The following DOCK4 variants were observed in gnomAD, a reference collection of about 807,000 sequenced individuals.
The protein encoded by DOCK4 is dedicator of cytokinesis protein 4.
DOCK4 carries 97 observed loss-of-function variants against 268.1 expected under a neutral mutation model. The observed-to-expected ratio is 0.36, with a 90% confidence interval of 0.31 to 0.43. The LOEUF is 0.43. Ranked by LOEUF, DOCK4 falls within the 20% of genes least tolerant of loss-of-function variation. The pLI is 1.00. For missense variants in DOCK4, 2,145 were observed against 2,455.7 expected, an observed-to-expected ratio of 0.87 and a Z score of 2.67; for synonymous variants, 954 against 887.2, an observed-to-expected ratio of 1.08 and a Z score of -1.34.
chr7:111,844,261 G>A (rs998653275), intron 25 of DOCK4, among the ~76,000 whole-genome samples: 1 of 152,160 alleles, frequency 6.6e-6, no homozygotes, highest in Non-Finnish European at 1.5e-5. Context: ...GGGAGACAGA[G>A]CGAGACTCCG....
chr7:112,123,349 T>A (rs1413551730), intron 1 of DOCK4, among the ~76,000 whole-genome samples: 1 of 152,138 alleles, frequency 6.6e-6, no homozygotes, highest in East Asian at 1.9e-4. Flanking sequence ...CAGTTCAGCA[T>A]GTCAAAGTGC....
At chr7:111,961,308 C>A (rs1311505305) in intron 8 of DOCK4, among the ~76,000 whole-genome samples, 1 of 152,182 alleles carries the variant, frequency 6.6e-6, no homozygotes, top group Non-Finnish European at 1.5e-5. Flanking sequence ...AAAGTAGATT[C>A]CTTCACTTGT....
chr7:111,869,760 A>G, intron 20 of DOCK4, 105 bp from the exon 21 acceptor site: 1 of 900,582 alleles, frequency 1.1e-6, no homozygotes. Context: ...TTCTTTTCCC[A>G]TCAGTTCTCA....
chr7:111,826,341 A>G (rs1802384029), intron 26 of DOCK4, among the ~76,000 whole-genome samples: 1 of 152,200 alleles, frequency 6.6e-6, no homozygotes, highest in South Asian at 2.1e-4. Context: ...CATAGTAAGG[A>G]GTCTGGACAT....
At chr7:111,994,744 G>GTAA (rs1799792409) in intron 4 of DOCK4, among the ~76,000 whole-genome samples, 3 of 152,168 alleles carry the variant, frequency 2.0e-5, no homozygotes, top group Admixed American at 2.0e-4. Flanking sequence ...CTTGATCTCG[G>GTAA]TAACACTTAA....
intron 42 of DOCK4, among the ~76,000 whole-genome samples, chr7:111,748,991 C>T (rs889550138): frequency 2.0e-5 from 3 of 152,006 alleles, no homozygotes; most frequent in Non-Finnish European, 4.4e-5. Context: ...TGTTATATAA[C>T]GTTCAAAACC....
chr7:111,797,318 G>C (rs967815977), intron 30 of DOCK4, among the ~76,000 whole-genome samples: 1 of 152,012 alleles, frequency 6.6e-6, no homozygotes, highest in African/African-American at 2.4e-5. Flanking sequence ...CCTTATTTGG[G>C]GCCCTTTTAA....
At chr7:112,092,044 C>T (rs1397949099) in intron 1 of DOCK4, among the ~76,000 whole-genome samples, 1 of 152,164 alleles carries the variant, frequency 6.6e-6, no homozygotes, top group Non-Finnish European at 1.5e-5. Context: ...ACCACAGAGG[C>T]TTTTGTGTGT....
intron 1 of DOCK4, among the ~76,000 whole-genome samples, chr7:112,122,087 G>C (rs1167050721): frequency 2.6e-5 from 4 of 152,030 alleles, no homozygotes; most frequent in Non-Finnish European, 5.9e-5. Flanking sequence ...TGTCATACTT[G>C]ATTCTCATTT....
At chr7:111,820,971 T>C (rs1801929302) in intron 27 of DOCK4, 1 of 152,210 alleles carries the variant, frequency 6.6e-6, no homozygotes, top group Admixed American at 6.5e-5. Context: ...AATGAATAGA[T>C]ATTTGATTCT....
chr7:111,891,370 CATGTATA>C (rs1808275907), intron 16 of DOCK4, among the ~76,000 whole-genome samples: 1 of 152,040 alleles, frequency 6.6e-6, no homozygotes, highest in Non-Finnish European at 1.5e-5. Context: ...TAAATATATG[CATGTATA>C]AAGTATTAAC....
At chr7:112,033,161 C>A (rs2135466756) in intron 1 of DOCK4, among the ~76,000 whole-genome samples, 1 of 152,070 alleles carries the variant, frequency 6.6e-6, no homozygotes, top group East Asian at 1.9e-4. Context: ...AAGTGAAATA[C>A]AATATGCAGA....
rs548533407 is a variant in DOCK4, at chr7:112,152,193, T to C, written c.37+53909A>G. ...GAAAAAATAATTCTTCCATTTACTA[T>C]GTAACGAGCTCAGAAAATGGACAAT... On this transcript the variant is annotated intron_variant, in intron 1 of 52. Transcript: ENST00000428084. Among the ~76,000 whole-genome samples, 12 of 152,316 alleles carry C rather than the reference T, an allele frequency of 7.9e-5. 1 individual carries two copies. Among genetic ancestry groups the C allele is most frequent in the Admixed American group, 6.5e-4 (10 of 15,300 alleles).
At chr7:112,185,640 A>G (rs1819438881) in intron 1 of DOCK4, among the ~76,000 whole-genome samples, 1 of 152,198 alleles carries the variant, frequency 6.6e-6, no homozygotes, top group Non-Finnish European at 1.5e-5. Flanking sequence ...TTCACTTGAA[A>G]TAAAAGACAC....
chr7:111,783,376 T>A (rs1798921675), intron 34 of DOCK4, among the ~76,000 whole-genome samples: 1 of 151,890 alleles, frequency 6.6e-6, no homozygotes, highest in South Asian at 2.1e-4. Flanking sequence ...CTTTAACAGT[T>A]TAGATAATAT....
intron 13 of DOCK4, among the ~76,000 whole-genome samples, chr7:111,914,035 T>C (rs1289583333): frequency 6.6e-6 from 1 of 152,114 alleles, no homozygotes; most frequent in African/African-American, 2.4e-5. Flanking sequence ...CTAGAATCAT[T>C]AGCATTGAAG....
chr7:112,109,658 T>C (rs903481553), intron 1 of DOCK4, among the ~76,000 whole-genome samples: 3 of 152,328 alleles, frequency 2.0e-5, no homozygotes, highest in Non-Finnish European at 4.4e-5. Flanking sequence ...AGAAGGTAGT[T>C]ATTGGACAAC....
chr7:111,848,242 C>A (rs1283580746), intron 23 of DOCK4, among the ~76,000 whole-genome samples: 1 of 152,124 alleles, frequency 6.6e-6, no homozygotes, highest in Non-Finnish European at 1.5e-5. Context: ...CCTTATCTTC[C>A]AAATCATGTA....
Position 111,851,431 on chromosome 7 carries a change from C to G in DOCK4, c.2474-4305G>C, listed in dbSNP as rs1287216014. On this transcript the variant is annotated intron_variant, in intron 23 of 52. Coordinates refer to ENST00000428084, the MANE Select transcript of DOCK4 (RefSeq NM_001363540.2). ...CTGCACTCCAGCCTGGGAGACAGAG[C>G]AAGACTCCATCTCAAAAAAAAAAAA... is the stretch of plus-strand genomic sequence containing the variant. 6.0e-4 allele frequency among the ~76,000 whole-genome samples: 63 copies of G among 105,492 alleles called. 1 individual carries two copies. Among genetic ancestry groups the G allele is most frequent in the Non-Finnish European group, 3.5e-5 (2 of 57,708 alleles). The allele number at this position is 105,492 out of a possible 152,430, so 69.2% of individuals were successfully genotyped here.
Sources: gnomAD v4.1 joint callset for allele counts (sites outside exome capture counted in the v4.1 genomes callset) on GRCh38, gnomAD v4.1.1 for gene constraint, MANE v1.5 for transcripts, NCBI Gene and HGNC (gene_info 2026-07-23, HGNC 2026-07-21) for gene names.